The following SMAD4 variants were observed in gnomAD, a reference collection of about 807,000 sequenced individuals.
SMAD4 encodes SMAD family member 4.
Under a neutral mutation model 63.2 loss-of-function variants are expected in SMAD4, and 7 were observed. The ratio of observed to expected loss-of-function variants is 0.11; its 90% CI spans 0.06 to 0.21. The LOEUF (loss-of-function observed/expected upper bound fraction) is 0.21. Ranked by LOEUF, SMAD4 falls within the 10% of genes least tolerant of loss-of-function variation. SMAD4 has a pLI of 1.00. For missense variants in SMAD4, 312 were observed against 693.8 expected (o/e 0.45, Z 6.18); for synonymous variants, 215 against 235.4 (o/e 0.91, Z 0.79).
At position 51,084,010 on chromosome 18, in the gene SMAD4, G is replaced by GCGCA. The variant is rs1555688077; in HGVS notation, c.*5545_*5548dup. The GCGCA allele has an allele frequency of 3.6e-4, 22 of 60,732 alleles. No individual in the cohort carries two copies. Among genetic ancestry groups the GCGCA allele is most frequent in the Non-Finnish European group, 7.0e-4 (19 of 27,226 alleles). The allele number at this position is 60,732 out of a possible 1,614,324, so 3.8% of individuals were successfully genotyped here. A position where few individuals can be genotyped will look rare whatever the true frequency, so the allele number is the denominator to read the frequency against. ...ACTTAACGCGCGTGCGCACGCGCGC[G>GCGCA]CGCACACACACACACACACACACAC... On this transcript the variant is annotated 3_prime_UTR_variant, in exon 12 of 12. Transcript: ENST00000342988.
intron 1 of SMAD4, among the ~76,000 whole-genome samples, chr18:51,042,779 G>A (rs1231421962): frequency 6.6e-6 from 1 of 152,162 alleles, no homozygotes; most frequent in Non-Finnish European, 1.5e-5. Flanking sequence ...ATAGCTCACC[G>A]TAGCCTTGGT....
At chr18:51,030,691 C>G (rs975989586) in intron 1 of SMAD4, 68 bp downstream of exon 1, 14 of 150,602 alleles carry the variant, frequency 9.3e-5, no homozygotes, top group Admixed American at 8.0e-4. Flanking sequence ...GCTTCCCCGC[C>G]CCGGGGCGGG....
At chr18:51,065,909 C>T (rs150652754) in intron 9 of SMAD4, among the ~76,000 whole-genome samples, 16 of 152,054 alleles carry the variant, frequency 1.1e-4, no homozygotes, top group African/African-American at 3.6e-4. Flanking sequence ...TACATTTCTA[C>T]AAATTACTGA....
chr18:51,040,642 G>A (rs1235199281), intron 1 of SMAD4, among the ~76,000 whole-genome samples: 1 of 152,186 alleles, frequency 6.6e-6, no homozygotes, highest in Admixed American at 6.5e-5. Flanking sequence ...TATTCAGCCT[G>A]TTTAATTTTA....
intron 5 of SMAD4, among the ~76,000 whole-genome samples, chr18:51,056,355 A>G (rs945483323): frequency 6.6e-5 from 10 of 152,202 alleles, no homozygotes; most frequent in African/African-American, 2.4e-4. Flanking sequence ...TCCTATTCAA[A>G]GATTAGAAAA....
At chr18:51,061,375 G>A (rs1168929164) in intron 8 of SMAD4, among the ~76,000 whole-genome samples, 2 of 152,010 alleles carry the variant, frequency 1.3e-5, no homozygotes, top group African/African-American at 4.8e-5. Flanking sequence ...CCCAGCCTCT[G>A]GTAACCATCC....
intron 10 of SMAD4, among the ~76,000 whole-genome samples, chr18:51,076,174 G>T (rs564537275): frequency 2.6e-5 from 4 of 152,164 alleles, no homozygotes; most frequent in Admixed American, 6.5e-5. Context: ...GAAAAATGTT[G>T]ATCTCTCTTA....
chr18:51,072,652 A>G (rs955681344), intron 10 of SMAD4, among the ~76,000 whole-genome samples: 2 of 152,224 alleles, frequency 1.3e-5, no homozygotes, highest in African/African-American at 2.4e-5. Context: ...GTAAAAGACA[A>G]TATCCTAAAG....
intron 1 of SMAD4, among the ~76,000 whole-genome samples, chr18:51,037,194 A>G (rs944178108): frequency 2.6e-5 from 4 of 152,182 alleles, no homozygotes; most frequent in African/African-American, 9.7e-5. Flanking sequence ...AAAAACAAAA[A>G]AAGTTTTATA....
At chr18:51,074,383 A>G (rs1051852680) in intron 10 of SMAD4, among the ~76,000 whole-genome samples, 2 of 152,176 alleles carry the variant, frequency 1.3e-5, no homozygotes, top group African/African-American at 4.8e-5. Flanking sequence ...AGACATGAAC[A>G]AACACCTCAC....
At chr18:51,059,782 A>T (rs1418796610) in intron 7 of SMAD4, 84 bp from the exon 8 acceptor site, 2 of 986,564 alleles carry the variant, frequency 2.0e-6, no homozygotes, top group South Asian at 1.3e-5. Flanking sequence ...TATAATAGTT[A>T]TATTTAAGTA....
chr18:51,072,546 T>C (rs1910344706), intron 10 of SMAD4, among the ~76,000 whole-genome samples: 1 of 152,224 alleles, frequency 6.6e-6, no homozygotes, highest in African/African-American at 2.4e-5. Context: ...GGTGCATTTT[T>C]CATTCTGGAT....
At chr18:51,073,237 A>G (rs923481013) in intron 10 of SMAD4, among the ~76,000 whole-genome samples, 11 of 151,638 alleles carry the variant, frequency 7.3e-5, no homozygotes, top group South Asian at 4.2e-4. Context: ...GAGAGAGCCT[A>G]TGTGTGACAT....
At chr18:51,069,289 G>T (rs1222104722) in intron 10 of SMAD4, among the ~76,000 whole-genome samples, 1 of 152,004 alleles carries the variant, frequency 6.6e-6, no homozygotes, top group Non-Finnish European at 1.5e-5. Context: ...GCTAATTTTT[G>T]TATTTAGTAG....
At chr18:51,073,420 CACACACACACACA>C (rs1910385065) in intron 10 of SMAD4, among the ~76,000 whole-genome samples, 1 of 143,438 alleles carries the variant, frequency 7.0e-6, no homozygotes, top group Non-Finnish European at 1.5e-5. Flanking sequence ...CACACACACA[CACACACACACACA>C]CCATACTTGG....
At position 51,079,455 on chromosome 18, in the gene SMAD4, A is replaced by G. The variant is rs1477714547; in HGVS notation, c.*988A>G. The G allele has an allele frequency of 8.6e-6, 2 of 233,398 alleles. No individual in the cohort carries two copies. The highest frequency in any genetic ancestry group is 1.7e-5 in the Non-Finnish European group (2 of 117,964). 14.5% of individuals were successfully genotyped at this position (233,398 alleles called of 1,614,324 possible). A position where few individuals can be genotyped will look rare whatever the true frequency, so the allele number is the denominator to read the frequency against. Reference sequence around the variant, plus strand: ...AATTCTATGTTAAATACTGTGCAGAATAATGGAAACATTACAGTTCATAAT... The same window carrying G: ...AATTCTATGTTAAATACTGTGCAGAGTAATGGAAACATTACAGTTCATAAT... On this transcript the variant is annotated 3_prime_UTR_variant, in exon 12 of 12. Transcript: ENST00000342988.
intron 10 of SMAD4, among the ~76,000 whole-genome samples, chr18:51,070,446 T>TA (rs756412716): frequency 6.6e-6 from 1 of 152,142 alleles, no homozygotes; most frequent in South Asian, 2.1e-4. Flanking sequence ...ATTTGGAATT[T>TA]AAAAAAATCT....
chr18:51,076,077 AG>A (rs1352037710), intron 10 of SMAD4, among the ~76,000 whole-genome samples: 1 of 152,226 alleles, frequency 6.6e-6, no homozygotes, highest in Non-Finnish European at 1.5e-5. Flanking sequence ...TGTTTGATCT[AG>A]TCTTTTTGTT....
At chr18:51,034,597 T>C (rs193131849) in intron 1 of SMAD4, among the ~76,000 whole-genome samples, 330 of 151,462 alleles carry the variant, frequency 2.2e-3, no homozygotes, top group Non-Finnish European at 3.9e-3. Context: ...CAGCCTGGAG[T>C]ACAGTGCTGC....
Sources: gnomAD v4.1 joint callset for allele counts (sites outside exome capture counted in the v4.1 genomes callset) on GRCh38, gnomAD v4.1.1 for gene constraint, MANE v1.5 for transcripts, NCBI Gene and HGNC (gene_info 2026-07-23, HGNC 2026-07-21) for gene names.